Variants in SPSB4 observed in about 807,000 individuals in gnomAD.
SPSB4 encodes the protein splA/ryanodine receptor domain and SOCS box containing 4.
Under a neutral mutation model 20.9 loss-of-function variants are expected in SPSB4, and 21 were observed. That is an observed-to-expected ratio of 1.01 (90% CI 0.71 to 1.45). The LOEUF (loss-of-function observed/expected upper bound fraction) is 1.45. Ranked by LOEUF, SPSB4 falls within the 40% of genes most tolerant of loss-of-function variation. The probability of loss-of-function intolerance (pLI) is 0.00; values close to 1 mark genes in which losing one functional copy is unlikely to be tolerated. For synonymous variants in SPSB4, 207 were observed against 183.8 expected (o/e 1.13, Z -1.02); for missense variants, 399 against 399.2 (o/e 1.00, Z 0.00).
intron 2 of SPSB4, 90 bp from the exon 3 acceptor site, chr3:141,147,052 G>A: frequency 6.4e-7 from 1 of 1,560,358 alleles, no homozygotes; most frequent in Non-Finnish European, 8.7e-7. Flanking sequence ...GCTCAGAGGA[G>A]CAGGCAGGAG....
At chr3:141,119,475 C>G (rs957696699) in intron 2 of SPSB4, among the ~76,000 whole-genome samples, 1 of 152,088 alleles carries the variant, frequency 6.6e-6, no homozygotes, top group Non-Finnish European at 1.5e-5. Context: ...AATTGAATAC[C>G]CTTTATTTCT....
intron 2 of SPSB4, among the ~76,000 whole-genome samples, chr3:141,144,299 T>C (rs892523396): frequency 6.6e-6 from 1 of 152,378 alleles, no homozygotes; most frequent in African/African-American, 2.4e-5. Flanking sequence ...CTTTTACATA[T>C]GTTTATTGGC....
chr3:141,058,413 T>C (rs1251958706), intron 1 of SPSB4, among the ~76,000 whole-genome samples: 7 of 152,142 alleles, frequency 4.6e-5, no homozygotes, highest in Non-Finnish European at 1.0e-4. Context: ...AGCATCCCCA[T>C]CCAAGCATGA....
intron 2 of SPSB4, among the ~76,000 whole-genome samples, chr3:141,133,212 T>G (rs1939164439): frequency 6.6e-6 from 1 of 152,242 alleles, no homozygotes; most frequent in African/African-American, 2.4e-5. Flanking sequence ...ATTAGTCCTT[T>G]GTCAGATGCA....
intron 2 of SPSB4, among the ~76,000 whole-genome samples, chr3:141,073,574 G>T (rs16851042): frequency 2.0e-5 from 3 of 152,066 alleles, no homozygotes; most frequent in Non-Finnish European, 4.4e-5. Context: ...GCTGCTAATG[G>T]TGAAAGTGGT....
At chr3:141,074,621 G>A (rs1938069048) in intron 2 of SPSB4, among the ~76,000 whole-genome samples, 1 of 152,160 alleles carries the variant, frequency 6.6e-6, no homozygotes, top group Admixed American at 6.5e-5. Context: ...GTTTCCGGCT[G>A]CATGTCTTAT....
intron 2 of SPSB4, 58 bp downstream of exon 2, chr3:141,066,856 C>CT: frequency 1.4e-6 from 2 of 1,461,366 alleles, no homozygotes; most frequent in African/African-American, 2.8e-5. Flanking sequence ...CCTAGGGAAG[C>CT]TGGGCAGGCC....
intron 2 of SPSB4, among the ~76,000 whole-genome samples, chr3:141,111,295 G>T (rs541731479): frequency 4.7e-5 from 7 of 149,510 alleles, no homozygotes; most frequent in Non-Finnish European, 8.8e-5. Context: ...GTTGCAGTCC[G>T]CTGGGGATGT....
At chr3:141,072,193 G>A (rs984882392) in intron 2 of SPSB4, among the ~76,000 whole-genome samples, 2 of 152,198 alleles carry the variant, frequency 1.3e-5, no homozygotes, top group African/African-American at 4.8e-5. Context: ...GCATCTGCAG[G>A]GTTCACTCAT....
At chr3:141,141,234 C>A (rs903242055) in intron 2 of SPSB4, among the ~76,000 whole-genome samples, 8 of 152,200 alleles carry the variant, frequency 5.3e-5, no homozygotes, top group Non-Finnish European at 1.2e-4. Context: ...CCTGTCACCC[C>A]TTTCTTTGAC....
In SPSB4 at chr3:141,065,984, C is replaced by T. The variant is rs1937858124; in HGVS notation, c.-121C>T. On this transcript the variant is annotated 5_prime_UTR_variant, in exon 2 of 3. Coordinates refer to ENST00000310546, the MANE Select transcript of SPSB4 (RefSeq NM_080862.3). Reference sequence around the variant, plus strand: ...GGCCCCTGCCGCAGCCCGGTAGAGGCTGTGGAGGTCTACCGTCCGGAAGCC... The same window carrying T: ...GGCCCCTGCCGCAGCCCGGTAGAGGTTGTGGAGGTCTACCGTCCGGAAGCC... 5.4e-5 allele frequency: 48 copies of T among 892,990 alleles called. No individual in the cohort carries two copies. In the South Asian group the frequency reaches 8.1e-4, roughly 15 times the overall value. The allele number at this position is 892,990 out of a possible 1,614,324, so 55.3% of individuals were successfully genotyped here.
intron 2 of SPSB4, among the ~76,000 whole-genome samples, chr3:141,141,088 C>T (rs1462466929): frequency 6.6e-6 from 1 of 152,224 alleles, no homozygotes; most frequent in Non-Finnish European, 1.5e-5. Context: ...GACTGCTGTG[C>T]TAGCAATGAG....
intron 2 of SPSB4, among the ~76,000 whole-genome samples, chr3:141,080,621 C>T (rs550358389): frequency 6.6e-6 from 1 of 152,328 alleles, no homozygotes; most frequent in East Asian, 1.9e-4. Context: ...CTTGGGTAAG[C>T]TCTGGCTTCC....
chr3:141,080,364 A>G (rs1248562781), intron 2 of SPSB4: 1 of 152,254 alleles, frequency 6.6e-6, no homozygotes, highest in East Asian at 1.9e-4. Context: ...CAGTCCAGCC[A>G]AGAAAAGGGG....
chr3:141,093,183 C>T (rs191384713), intron 2 of SPSB4, among the ~76,000 whole-genome samples: 97 of 151,862 alleles, frequency 6.4e-4, no homozygotes, highest in Non-Finnish European at 1.1e-3. Context: ...TGCAGGGAGA[C>T]GAAATGGTTC....
chr3:141,051,420 A>G lies in SPSB4; in HGVS notation c.-726A>G. On this transcript the variant is annotated 5_prime_UTR_variant, in exon 1 of 3. Transcript: ENST00000310546. ...CGGGCGGCGGCGGCGGAGGAGGGGG[A>G]GGCGGCGGCGGCTGCAGCATCCAGA... is the stretch of plus-strand genomic sequence containing the variant. 3 of 155,506 alleles carry G rather than the reference A, an allele frequency of 1.9e-5. No individual in the cohort carries two copies. Among genetic ancestry groups the G allele is most frequent in the Non-Finnish European group, 4.2e-5 (3 of 70,872 alleles). The allele number at this position is 155,506 out of a possible 1,614,324, so 9.6% of individuals were successfully genotyped here. A position where few individuals can be genotyped will look rare whatever the true frequency, so the allele number is the denominator to read the frequency against.
rs756070427 is a variant in SPSB4, at chr3:141,147,251, C to G, written c.804C>G (p.Asn268Lys). The G allele has an allele frequency of 9.3e-6, 15 of 1,614,134 alleles. No homozygotes were observed. The Admixed American group carries it at 2.5e-4, about 27-fold the overall frequency. Reference protein sequence around the residue: ...SSLPLPQSLKNYLQYQ With the variant: ...SSLPLPQSLKKYLQYQ ...TGCCCCTGCCTCAGTCTCTCAAAAA[C>G]TATCTGCAGTACCAGTGAGCCAAGC... is the stretch of plus-strand genomic sequence containing the variant. The change falls in exon 3 of 3, where the codon AAC becomes AAG. Residue 268 changes from asparagine (N) to lysine (K), a missense_variant. Asn to Lys is a moderately conservative substitution (Grantham distance 94). Transcript: ENST00000310546.
At chr3:141,081,406 A>G (rs1299710623) in intron 2 of SPSB4, among the ~76,000 whole-genome samples, 2 of 152,176 alleles carry the variant, frequency 1.3e-5, no homozygotes, top group Non-Finnish European at 2.9e-5. Flanking sequence ...TGTTTCTGCC[A>G]TGGGACTTCT....
At chr3:141,065,911 T>C in intron 1 of SPSB4, 41 bp from the exon 2 acceptor site, 1 of 520,948 alleles carries the variant, frequency 1.9e-6, no homozygotes, top group Non-Finnish European at 3.3e-6. Flanking sequence ...AACTGGCTGC[T>C]GATGCTGCTG....
Sources: gnomAD v4.1 joint callset for allele counts (sites outside exome capture counted in the v4.1 genomes callset) on GRCh38, gnomAD v4.1.1 for gene constraint, MANE v1.5 for transcripts, NCBI Gene and HGNC (gene_info 2026-07-23, HGNC 2026-07-21) for gene names.